Variants in PALS1 observed in about 807,000 individuals in gnomAD.
The protein encoded by PALS1 is protein associated with LIN7 1, MAGUK p55 family member, also known as protein PALS1.
PALS1 carries 31 observed loss-of-function variants against 78.9 expected under a neutral mutation model. The observed-to-expected ratio is 0.39, with a 90% CI of 0.30 to 0.53. PALS1 has a LOEUF of 0.53. Ranked by LOEUF, PALS1 falls within the 20% of genes least tolerant of loss-of-function variation. The pLI is 0.67. For missense variants in PALS1, 704 were observed against 826.5 expected (o/e 0.85, Z 1.82); for synonymous variants, 276 against 270.9 (o/e 1.02, Z -0.18).
At chr14:67,265,469 T>C (rs1213013915) in intron 1 of PALS1, among the ~76,000 whole-genome samples, 1 of 151,874 alleles carries the variant, frequency 6.6e-6, no homozygotes, top group Non-Finnish European at 1.5e-5. Context: ...GGTGGGAGGG[T>C]TGCATGAGCC....
chr14:67,330,154 A>AATAATT (rs771246157), intron 14 of PALS1, among the ~76,000 whole-genome samples: 2 of 105,728 alleles, frequency 1.9e-5, no homozygotes, highest in Non-Finnish European at 3.4e-5. Flanking sequence ...TAATAATAAT[A>AATAATT]ATTATTATTA....
At chr14:67,292,405 T>C in intron 3 of PALS1, 106 bp from the exon 4 acceptor site, 1 of 724,320 alleles carries the variant, frequency 1.4e-6, no homozygotes, top group Non-Finnish European at 2.3e-6. Context: ...TTGGTATTTT[T>C]CTGAAAACTT....
intron 14 of PALS1, among the ~76,000 whole-genome samples, chr14:67,326,962 G>C (rs953983206): frequency 3.0e-4 from 45 of 151,888 alleles, no homozygotes; most frequent in African/African-American, 1.1e-3. Context: ...ATCACTTGAG[G>C]TGAGGAGTTT....
chr14:67,302,065 G>C lies in PALS1; in HGVS notation c.748G>C (p.Gly250Arg). ...ERVYESIGQY[G>R]GETVKIVRIE... Reference sequence around the variant, plus strand: ...AGTTTATGAAAGTATTGGCCAGTATGGAGGAGAAACTGTAAAAATAGTTCG... The same window carrying C: ...AGTTTATGAAAGTATTGGCCAGTATCGAGGAGAAACTGTAAAAATAGTTCG... Residue 250 changes from glycine to arginine, a missense_variant, in exon 6 of 15, where the codon GGA (glycine) becomes CGA (arginine). Gly to Arg is a moderately radical substitution (Grantham distance 125). Transcript: ENST00000261681. 6.2e-7 allele frequency: 1 copy of C among 1,609,218 alleles called. No homozygotes were observed. Among genetic ancestry groups the C allele is most frequent in the Middle Eastern group, 1.7e-4 (1 of 6,050 alleles).
In PALS1 at chr14:67,335,101, A is replaced by C. The variant is rs1368234452; in HGVS notation, c.*2145A>C. ...ATCAAGGCAGAGGTGATGCCATGCC[A>C]TACTTTTAGGAAGTCTGAGATGATA... On this transcript the variant is annotated 3_prime_UTR_variant, in exon 15 of 15. Coordinates refer to ENST00000261681, the MANE Select transcript of PALS1 (RefSeq NM_022474.4). 1 of 149,988 alleles carries C rather than the reference A, an allele frequency of 6.7e-6. No homozygotes were observed. The highest frequency in any genetic ancestry group is 6.6e-5 in the Admixed American group (1 of 15,062). The allele number at this position is 149,988 out of a possible 1,614,324, so 9.3% of individuals were successfully genotyped here. A position where few individuals can be genotyped will look rare whatever the true frequency, so the allele number is the denominator to read the frequency against.
At position 67,310,048 on chromosome 14, in the gene PALS1, A is replaced by G. The variant is rs547473200; in HGVS notation, c.1042-2479A>G. Among the ~76,000 whole-genome samples, 229 of 146,016 alleles carry G rather than the reference A, an allele frequency of 1.6e-3. 1 individual carries two copies. The highest frequency in any genetic ancestry group is 5.8e-3 in the African/African-American group (221 of 37,960). On this transcript the variant is annotated intron_variant, in intron 8 of 14. Transcript: ENST00000261681. Reference sequence around the variant, plus strand: ...AGATTCTAGAAGTATTATTGATAGGATGGTGCTCAAGCACTTTTTTTTTTT... The same window carrying G: ...AGATTCTAGAAGTATTATTGATAGGGTGGTGCTCAAGCACTTTTTTTTTTT...
intron 1 of PALS1, among the ~76,000 whole-genome samples, chr14:67,253,058 A>G (rs1595561475): frequency 6.6e-6 from 1 of 152,238 alleles, no homozygotes; most frequent in Non-Finnish European, 1.5e-5. Flanking sequence ...TTACAGTACT[A>G]TCACTGACTT....
At position 67,333,818 on chromosome 14, in the gene PALS1, A is replaced by C. The variant is rs1340930068; in HGVS notation, c.*862A>C. On this transcript the variant is annotated 3_prime_UTR_variant, in exon 15 of 15. Coordinates refer to ENST00000261681, the MANE Select transcript of PALS1 (RefSeq NM_022474.4). ...GTTCATTATAATCTGTATTGACTTA[A>C]AAAGTTTCTTCCTCATGATGCTAAT... 2 of 151,252 alleles carry C rather than the reference A, an allele frequency of 1.3e-5. No homozygotes were observed. Among genetic ancestry groups the C allele is most frequent in the South Asian group, 2.1e-4 (1 of 4,756 alleles). The allele number at this position is 151,252 out of a possible 1,614,324, so 9.4% of individuals were successfully genotyped here. A position where few individuals can be genotyped will look rare whatever the true frequency, so the allele number is the denominator to read the frequency against.
At chr14:67,292,828 ACT>A in intron 4 of PALS1, 109 bp downstream of exon 4, 6 of 771,858 alleles carry the variant, frequency 7.8e-6, no homozygotes, top group Non-Finnish European at 1.2e-5. Flanking sequence ...TGAATTAATT[ACT>A]GTTAATTACA....
chr14:67,292,853 A>T (rs2140826258), intron 4 of PALS1, 134 bp downstream of exon 4: 2 of 648,846 alleles, frequency 3.1e-6, no homozygotes, highest in Non-Finnish European at 4.8e-6. Flanking sequence ...TTAATAATGT[A>T]TTGTGACAGT....
chr14:67,311,806 A>C (rs548804604), intron 8 of PALS1, among the ~76,000 whole-genome samples: 3 of 152,364 alleles, frequency 2.0e-5, no homozygotes, highest in African/African-American at 2.4e-5. Context: ...TAATATGTCA[A>C]AGCCTACATA....
chr14:67,325,623 T>C (rs1197270309), intron 14 of PALS1, among the ~76,000 whole-genome samples: 1 of 152,118 alleles, frequency 6.6e-6, no homozygotes, highest in African/African-American at 2.4e-5. Flanking sequence ...GAACAGAAAC[T>C]CCATGGTTGT....
At chr14:67,253,476 A>G (rs929457232) in intron 1 of PALS1, among the ~76,000 whole-genome samples, 1 of 152,174 alleles carries the variant, frequency 6.6e-6, no homozygotes, top group African/African-American at 2.4e-5. Flanking sequence ...CAGCTTCTCT[A>G]TTTGACTCAA....
intron 8 of PALS1, among the ~76,000 whole-genome samples, chr14:67,306,863 AAAT>A (rs1181981837): frequency 2.0e-5 from 3 of 152,204 alleles, no homozygotes; most frequent in African/African-American, 7.2e-5. Flanking sequence ...TAATCTAAAG[AAAT>A]TAGAACCAAT....
intron 8 of PALS1, among the ~76,000 whole-genome samples, chr14:67,306,619 T>C (rs1365963769): frequency 1.3e-5 from 2 of 152,084 alleles, no homozygotes; most frequent in African/African-American, 2.4e-5. Flanking sequence ...TCCGCCCACC[T>C]TGGCCTCCCA....
intron 1 of PALS1, among the ~76,000 whole-genome samples, chr14:67,255,010 G>A (rs2084124362): frequency 6.6e-6 from 1 of 152,158 alleles, no homozygotes; most frequent in Non-Finnish European, 1.5e-5. Flanking sequence ...TTAGCTGGGT[G>A]TGGTGGCGCA....
intron 8 of PALS1, among the ~76,000 whole-genome samples, chr14:67,304,977 A>C (rs17104223): frequency 0.16 from 23,841 of 152,118 alleles, 3,543 homozygotes; most frequent in East Asian, 0.42. Flanking sequence ...GTTTTCCCTT[A>C]ATTTTTTACA....
intron 1 of PALS1, among the ~76,000 whole-genome samples, chr14:67,268,936 G>A (rs1400800194): frequency 1.3e-5 from 2 of 152,154 alleles, no homozygotes; most frequent in African/African-American, 2.4e-5. Context: ...AAATTCAGTG[G>A]ATTTTAGTAT....
intron 1 of PALS1, among the ~76,000 whole-genome samples, chr14:67,243,454 C>G (rs1229836195): frequency 6.7e-6 from 1 of 148,262 alleles, no homozygotes; most frequent in Non-Finnish European, 1.5e-5. Context: ...TCCTGAAATG[C>G]TGGGATTACA....
Sources: allele counts gnomAD v4.1 joint callset (sites outside exome capture counted in the v4.1 genomes callset), GRCh38; gene constraint gnomAD v4.1.1; transcripts MANE v1.5; gene names NCBI Gene and HGNC (gene_info 2026-07-23, HGNC 2026-07-21).